The following TMBIM1 variants were observed in gnomAD, a reference collection of about 807,000 sequenced individuals.
The protein encoded by TMBIM1 is transmembrane BAX inhibitor motif containing 1.
TMBIM1 carries 34 observed loss-of-function variants against 45.1 expected under a neutral mutation model. That is an observed-to-expected ratio of 0.75 (90% CI 0.57 to 1.00). TMBIM1 has a LOEUF of 1.00. TMBIM1 is among the 50% of genes least tolerant of loss of function. The pLI, the probability that TMBIM1 is intolerant of heterozygous loss-of-function variation, is 0.00. For synonymous variants in TMBIM1, 157 were observed against 153.5 expected (o/e 1.02, Z -0.17); for missense variants, 374 against 402.4 (o/e 0.93, Z 0.60).
At chr2:218,276,823 C>T (rs4674281) in intron 10 of TMBIM1, among the ~76,000 whole-genome samples, 181 bp downstream of exon 10, 148,787 of 152,216 alleles carry the variant, frequency 0.98, 72,783 homozygotes, top group East Asian at 1. Flanking sequence ...CATCTCCACA[C>T]AGAGAGTCTA....
chr2:218,280,509 C>A, intron 2 of TMBIM1: 1 of 270,082 alleles, frequency 3.7e-6, no homozygotes, highest in South Asian at 3.7e-5. Context: ...AGGAGGGCGG[C>A]AGAGCGCAGT....
In TMBIM1 at chr2:218,282,145, T is replaced by C. The variant is rs2292554; in HGVS notation, c.-4A>G. On this transcript the variant is annotated 5_prime_UTR_variant, in exon 2 of 12. Transcript: ENST00000258412. Reference sequence around the variant, plus strand: ...GTGGGGCGCTGGGGTTGGACATGGCTGCTCACGGGCTGAGGGGGAACCCCA... The same window carrying C: ...GTGGGGCGCTGGGGTTGGACATGGCCGCTCACGGGCTGAGGGGGAACCCCA... 574,888 of 1,481,626 alleles carry C rather than the reference T, an allele frequency of 0.39. 113,145 individuals carry two copies. Among genetic ancestry groups the C allele is most frequent in the Middle Eastern group, 0.49 (1,939 of 3,986 alleles). 91.8% of individuals were successfully genotyped at this position (1,481,626 alleles called of 1,614,324 possible).
chr2:218,279,500 CA>C (rs1691638401), intron 3 of TMBIM1, 147 bp from the exon 4 acceptor site: 1 of 625,446 alleles, frequency 1.6e-6, no homozygotes, highest in Non-Finnish European at 2.7e-6. Flanking sequence ...ATGCCTGGCT[CA>C]GAGGCAATGT....
At chr2:218,292,214 C>G (rs1477777919) in intron 1 of TMBIM1, among the ~76,000 whole-genome samples, 1 of 152,246 alleles carries the variant, frequency 6.6e-6, no homozygotes, top group Non-Finnish European at 1.5e-5. Context: ...GTGCCCACAA[C>G]ACGCTGCTGG....
chr2:218,285,361 C>G (rs977482618), intron 1 of TMBIM1, among the ~76,000 whole-genome samples: 1 of 152,212 alleles, frequency 6.6e-6, no homozygotes, highest in African/African-American at 2.4e-5. Context: ...CCTGAAAACA[C>G]CCTGTCTATC....
rs202098674 is a variant in TMBIM1, at chr2:218,279,302, T to C, written c.355A>G (p.Ile119Val). Reference sequence around the variant, plus strand: ...CTAGAGACTTACACAAAGGTGAAGATAGCAATGATGGCCACAGTGATGAGC... The same window carrying C: ...CTAGAGACTTACACAAAGGTGAAGACAGCAATGATGGCCACAGTGATGAGC... ...QLLITVAIIAIFTFVEPVSAF... is the reference protein window; with the variant it reads ...QLLITVAIIAVFTFVEPVSAF... Residue 119 changes from isoleucine to valine, a missense_variant, in exon 4 of 12, where the codon ATC becomes GTC. Physicochemically the swap from Ile to Val is conservative, Grantham distance 29. Coordinates refer to ENST00000258412, the MANE Select transcript of TMBIM1 (RefSeq NM_022152.6). 8.2e-6 allele frequency: 13 copies of C among 1,587,324 alleles called. No individual in the cohort carries two copies. The Middle Eastern group carries it at 6.8e-4, about 83-fold the overall frequency.
At chr2:218,282,631 A>C (rs953005345) in intron 1 of TMBIM1, among the ~76,000 whole-genome samples, 4 of 152,208 alleles carry the variant, frequency 2.6e-5, no homozygotes, top group African/African-American at 9.6e-5. Context: ...GCCACAGCTG[A>C]CGGGGATGCC....
At chr2:218,280,332 G>T (rs1042070703) in intron 2 of TMBIM1, 15 of 522,972 alleles carry the variant, frequency 2.9e-5, no homozygotes, top group African/African-American at 2.7e-4. Flanking sequence ...GGTGGGAAAC[G>T]TTCCTCACGT....
Position 218,276,051 on chromosome 2 carries a change from GC to G in TMBIM1, c.763del (p.Ala255LeufsTer52). ...CAGGGTGAAACAAATGGCCCCCAGA[GC>G]AGCATAGAGCATGTGGAGCCAGTAA... ...YVYWLHMLYA[A>X]LGAICFTLFL... On this transcript the variant is annotated frameshift_variant, in exon 11 of 12. Transcript: ENST00000258412. LOFTEE classifies it high-confidence loss of function. The G allele has an allele frequency of 2.5e-6, 4 of 1,613,146 alleles. No individual in the cohort carries two copies. Among genetic ancestry groups the G allele is most frequent in the Non-Finnish European group, 3.4e-6 (4 of 1,179,642 alleles).
intron 5 of TMBIM1, 146 bp from the exon 6 acceptor site, chr2:218,278,711 C>A: frequency 1.1e-6 from 1 of 882,702 alleles, no homozygotes; most frequent in South Asian, 1.6e-5. Flanking sequence ...AGATTACCCC[C>A]AGCCAGGGTC....
At chr2:218,276,740 T>C (rs975379945) in intron 10 of TMBIM1, among the ~76,000 whole-genome samples, 2 of 152,082 alleles carry the variant, frequency 1.3e-5, no homozygotes, top group Admixed American at 6.5e-5. Context: ...GCCAGCCAGA[T>C]TGAACCCACC....
At chr2:218,283,167 G>A in intron 1 of TMBIM1, among the ~76,000 whole-genome samples, 1 of 152,066 alleles carries the variant, frequency 6.6e-6, no homozygotes. Context: ...AGCCAGGGGA[G>A]GGCCAAGAAA....
chr2:218,276,228 G>A (rs1691196837), intron 10 of TMBIM1, 149 bp from the exon 11 acceptor site: 6 of 821,142 alleles, frequency 7.3e-6, no homozygotes, highest in Non-Finnish European at 9.8e-6. Flanking sequence ...CCAGATCTTG[G>A]AGGAAATTAA....
intron 1 of TMBIM1, among the ~76,000 whole-genome samples, chr2:218,284,770 G>A (rs1692364664): frequency 6.6e-6 from 1 of 152,188 alleles, no homozygotes; most frequent in East Asian, 1.9e-4. Context: ...ACCCTCCACG[G>A]GGTTGCTATA....
In TMBIM1 at chr2:218,279,041, G is replaced by A. The variant is rs1217578195; in HGVS notation, c.419C>T (p.Ser140Phe). 2.5e-6 allele frequency: 4 copies of A among 1,614,014 alleles called. No individual in the cohort carries two copies. The highest frequency in any genetic ancestry group is 3.3e-5 in the Admixed American group (2 of 60,006). ...VRRNVAVYYV[S>F]YAVFVVTYLI... The stretch of plus-strand genomic sequence containing the variant: ...CCACAGAGGAGCACACACTCACTAG[G>A]ACACGTAGTAGACAGCCACATTTCT... Residue 140 changes from serine (S) to phenylalanine (F), a missense_variant, in exon 5 of 12, where the codon TCC becomes TTC. Physicochemically the swap from Ser to Phe is radical, Grantham distance 155 (BLOSUM62 -2). Transcript: ENST00000258412.
intron 1 of TMBIM1, chr2:218,284,309 C>A (rs1210203757): frequency 6.6e-6 from 1 of 152,346 alleles, no homozygotes; most frequent in African/African-American, 2.4e-5. Context: ...AAGCCCACTG[C>A]CCCCTCTAAC....
intron 1 of TMBIM1, 106 bp downstream of exon 1, chr2:218,292,360 C>G (rs1474741105): frequency 6.6e-6 from 1 of 152,254 alleles, no homozygotes; most frequent in African/African-American, 2.4e-5. Context: ...AAGCCGGGAG[C>G]GCGCTCCGAA....
chr2:218,285,419 T>A (rs1475514951), intron 1 of TMBIM1, among the ~76,000 whole-genome samples: 2 of 152,138 alleles, frequency 1.3e-5, no homozygotes, highest in Non-Finnish European at 2.9e-5. Flanking sequence ...AACCCTCTCA[T>A]GGGTTTTAGC....
At chr2:218,289,807 G>T (rs888654585) in intron 1 of TMBIM1, among the ~76,000 whole-genome samples, 10 of 152,022 alleles carry the variant, frequency 6.6e-5, no homozygotes, top group Non-Finnish European at 1.3e-4. Context: ...GAAGTACATG[G>T]CATGTTCTCA....
Sources: gnomAD v4.1 joint callset for allele counts (sites outside exome capture counted in the v4.1 genomes callset) on GRCh38, gnomAD v4.1.1 for gene constraint, MANE v1.5 for transcripts, NCBI Gene and HGNC (gene_info 2026-07-23, HGNC 2026-07-21) for gene names.